Variants in PKP2 observed in about 807,000 individuals in gnomAD.
PKP2 encodes the protein plakophilin-2.
In PKP2, 73 loss-of-function variants were observed where a neutral mutation model predicts 83.4. That is an observed-to-expected ratio of 0.88 (90% CI 0.72 to 1.06). The LOEUF is 1.06. Ranked by LOEUF, PKP2 falls within the 50% of genes least tolerant of loss-of-function variation. PKP2 has a pLI of 0.00. For missense variants in PKP2, 966 were observed against 1,065.4 expected (o/e 0.91, Z 1.30); for synonymous variants, 409 against 430.4 (o/e 0.95, Z 0.62).
At chr12:32,855,895 G>T (rs59398309) in intron 4 of PKP2, among the ~76,000 whole-genome samples, 8,845 of 151,568 alleles carry the variant, frequency 0.058, 902 homozygotes, top group African/African-American at 0.21. Flanking sequence ...TCATAAATAG[G>T]ATCTGCCATT....
intron 1 of PKP2, among the ~76,000 whole-genome samples, chr12:32,884,410 C>T (rs191078903): frequency 5.9e-5 from 9 of 152,170 alleles, no homozygotes; most frequent in Admixed American, 5.2e-4. Context: ...GTCAAGATCA[C>T]GCCATTGCAC....
At chr12:32,889,593 T>G (rs1187497343) in intron 1 of PKP2, among the ~76,000 whole-genome samples, 3 of 152,234 alleles carry the variant, frequency 2.0e-5, no homozygotes, top group Non-Finnish European at 4.4e-5. Context: ...AGTTTGCGCT[T>G]AATCATTCAG....
intron 10 of PKP2, among the ~76,000 whole-genome samples, chr12:32,801,950 C>T (rs1956184096): frequency 1.3e-5 from 2 of 151,890 alleles, no homozygotes; most frequent in East Asian, 1.9e-4. Context: ...TTTTAATAGT[C>T]CAACACACTG....
intron 9 of PKP2, among the ~76,000 whole-genome samples, chr12:32,805,733 G>C (rs184750543): frequency 7.2e-5 from 11 of 152,166 alleles, no homozygotes; most frequent in African/African-American, 2.7e-4. Context: ...TTGAAGTCAG[G>C]TAGCATGATG....
At chr12:32,806,207 C>T (rs1592731116) in intron 9 of PKP2, among the ~76,000 whole-genome samples, 1 of 152,264 alleles carries the variant, frequency 6.6e-6, no homozygotes, top group Non-Finnish European at 1.5e-5. Flanking sequence ...GTTTTGGTAT[C>T]AGGATGATGC....
intron 11 of PKP2, among the ~76,000 whole-genome samples, chr12:32,793,482 C>A (rs1402244009): frequency 2.0e-5 from 3 of 151,934 alleles, no homozygotes; most frequent in African/African-American, 7.3e-5. Context: ...AAAAGAAATT[C>A]TTGTGGCAGC....
chr12:32,878,685 G>C, intron 2 of PKP2, 142 bp from the exon 3 acceptor site: 1 of 765,980 alleles, frequency 1.3e-6, no homozygotes. Context: ...CTGGGTAAAG[G>C]CTTTTTGAAA....
intron 11 of PKP2, 50 bp from the exon 12 acceptor site, chr12:32,792,781 G>T: frequency 6.9e-7 from 1 of 1,449,018 alleles, no homozygotes; most frequent in Non-Finnish European, 9.7e-7. Flanking sequence ...TGAGGCTTCT[G>T]GATGCGGCCT....
At chr12:32,888,109 G>C (rs540999492) in intron 1 of PKP2, among the ~76,000 whole-genome samples, 38 of 152,266 alleles carry the variant, frequency 2.5e-4, no homozygotes, top group Admixed American at 6.5e-4. Context: ...TTGAGCCCGG[G>C]GGGCAGAGGT....
At chr12:32,796,346 C>T in intron 10 of PKP2, 48 bp from the exon 11 acceptor site, 3 of 1,462,744 alleles carry the variant, frequency 2.1e-6, no homozygotes, top group Non-Finnish European at 2.9e-6. Context: ...AAGATTGTTT[C>T]TTAATCCCAA....
chr12:32,884,435 C>A (rs995059554), intron 1 of PKP2, among the ~76,000 whole-genome samples: 1 of 152,132 alleles, frequency 6.6e-6, no homozygotes, highest in African/African-American at 2.4e-5. Flanking sequence ...GCCTGGGCAA[C>A]AGAGTGAGAC....
chr12:32,858,111 A>G (rs1020666), intron 4 of PKP2, among the ~76,000 whole-genome samples: 34 of 91,478 alleles, frequency 3.7e-4, no homozygotes, highest in Non-Finnish European at 6.7e-4. Context: ...ATATATATAT[A>G]TATATTTATA....
chr12:32,869,062 C>T lies in PKP2; in HGVS notation c.1035G>A (p.Gly345=), dbSNP rs905404609. 1.1e-5 allele frequency: 17 copies of T among 1,613,738 alleles called. No individual in the cohort carries two copies. The Middle Eastern group carries it at 6.6e-4, about 62-fold the overall frequency. ...CCAGAGTCATCTCCATGTCTGCATT[C>T]CTAGACAAACAGGCACAGATTCAGC... ...ERSTFTDSQL[G]NADMEMTLER... Residue 345 remains glycine (G), a splice_region_variant and synonymous_variant, in exon 4 of 13, where the codon GGG becomes GGA. Transcript: ENST00000340811.
chr12:32,835,938 C>T (rs1403811933), intron 6 of PKP2, among the ~76,000 whole-genome samples: 1 of 152,166 alleles, frequency 6.6e-6, no homozygotes, highest in African/African-American at 2.4e-5. Context: ...CACCACCATG[C>T]CTGGCTTGTT....
Position 32,843,131 on chromosome 12 carries a change from C to T in PKP2, c.1379-1926G>A, listed in dbSNP as rs146223802. On this transcript the variant is annotated intron_variant, in intron 5 of 12. Transcript: ENST00000340811. ...AGTAGCTGGGATTACAGGCGCAGACCACGACACCCGGCTAATTTTTTTGTA... is the reference window on the plus strand; with the variant it reads ...AGTAGCTGGGATTACAGGCGCAGACTACGACACCCGGCTAATTTTTTTGTA... 6.9e-4 allele frequency: 290 copies of T among 423,106 alleles called. 2 individuals carry two copies. Among genetic ancestry groups the T allele is most frequent in the African/African-American group, 5.4e-3 (269 of 49,532 alleles). 26.2% of individuals were successfully genotyped at this position (423,106 alleles called of 1,614,324 possible).
intron 9 of PKP2, among the ~76,000 whole-genome samples, chr12:32,804,883 C>T (rs1219469838): frequency 1.3e-5 from 2 of 152,212 alleles, no homozygotes; most frequent in East Asian, 3.8e-4. Context: ...CCACACTGTT[C>T]TCCACAATGG....
At chr12:32,889,300 A>G (rs1957057888) in intron 1 of PKP2, among the ~76,000 whole-genome samples, 1 of 152,218 alleles carries the variant, frequency 6.6e-6, no homozygotes, top group African/African-American at 2.4e-5. Context: ...GCTGTGTTCA[A>G]TAATTTTACT....
chr12:32,814,260 G>A (rs1956301649), intron 9 of PKP2, among the ~76,000 whole-genome samples: 1 of 152,154 alleles, frequency 6.6e-6, no homozygotes, highest in South Asian at 2.1e-4. Flanking sequence ...TTGGAGCCCA[G>A]TTCACAGCCT....
At chr12:32,831,157 GAGATGTTTGGAATGTC>G (rs927815657) in intron 6 of PKP2, among the ~76,000 whole-genome samples, 2 of 152,162 alleles carry the variant, frequency 1.3e-5, no homozygotes, top group African/African-American at 4.8e-5. Context: ...ACATGTAAAG[GAGATGTTTGGAATGTC>G]AGACCAGGAA....
Sources: gnomAD v4.1 joint callset for allele counts (sites outside exome capture counted in the v4.1 genomes callset) on GRCh38, gnomAD v4.1.1 for gene constraint, MANE v1.5 for transcripts, NCBI Gene and HGNC (gene_info 2026-07-23, HGNC 2026-07-21) for gene names.